Variants in FOXJ3 observed in about 807,000 individuals in gnomAD.
The protein encoded by FOXJ3 is forkhead box J3, also known as forkhead box protein J3.
FOXJ3 carries 22 observed loss-of-function variants against 76.1 expected under a neutral mutation model. The ratio of observed to expected loss-of-function variants is 0.29; its 90% CI spans 0.21 to 0.41. FOXJ3 has a LOEUF of 0.41. Ranked by LOEUF, FOXJ3 falls within the 10% of genes least tolerant of loss-of-function variation. The pLI is 1.00. For synonymous variants in FOXJ3, 269 were observed against 261.2 expected (o/e 1.03, Z -0.29); for missense variants, 613 against 762.1 (o/e 0.80, Z 2.30).
chr1:42,301,626 C>G (rs1379146841), intron 2 of FOXJ3, among the ~76,000 whole-genome samples: 2 of 152,178 alleles, frequency 1.3e-5, no homozygotes, highest in Non-Finnish European at 2.9e-5. Flanking sequence ...AAGCTTTCAA[C>G]TATATTTTGT....
At chr1:42,189,579 A>T in intron 9 of FOXJ3, 175 bp from the exon 10 acceptor site, 2 of 525,646 alleles carry the variant, frequency 3.8e-6, no homozygotes, top group Admixed American at 3.4e-5. Flanking sequence ...ACAGGCAGAA[A>T]GGTATTATTT....
intron 2 of FOXJ3, among the ~76,000 whole-genome samples, chr1:42,285,845 T>C (rs747056521): frequency 5.3e-5 from 8 of 152,240 alleles, no homozygotes; most frequent in Non-Finnish European, 8.8e-5. Context: ...ACACCTTTTA[T>C]TGTTGTTTTC....
chr1:42,195,536 A>C (rs761054162), intron 7 of FOXJ3, among the ~76,000 whole-genome samples: 7 of 152,246 alleles, frequency 4.6e-5, no homozygotes, highest in Non-Finnish European at 1.0e-4. Flanking sequence ...CTCTGCCCAA[A>C]GCAACAAGGA....
intron 6 of FOXJ3, among the ~76,000 whole-genome samples, chr1:42,203,652 G>A (rs995603142): frequency 4.6e-5 from 7 of 152,086 alleles, no homozygotes; most frequent in Admixed American, 2.0e-4. Context: ...CTGAGCCCTA[G>A]CACACACAAT....
intron 6 of FOXJ3, among the ~76,000 whole-genome samples, chr1:42,202,687 T>C (rs1277697708): frequency 1.3e-5 from 2 of 152,180 alleles, no homozygotes; most frequent in Non-Finnish European, 2.9e-5. Context: ...TTCTTATACA[T>C]GATATAGTAC....
At chr1:42,289,671 A>G (rs1197923192) in intron 2 of FOXJ3, among the ~76,000 whole-genome samples, 2 of 152,170 alleles carry the variant, frequency 1.3e-5, no homozygotes, top group Non-Finnish European at 2.9e-5. Context: ...ATAATCTCTG[A>G]ATTACCTATA....
rs114996508 is a variant in FOXJ3 at position 42,227,776 on chromosome 1, C to A, written c.528+107G>T. Reference sequence around the variant, plus strand: ...ATGTAAAATGCTACACAAATAAAATCTTACCATCATTATAGTTACATGTGC... The same window carrying A: ...ATGTAAAATGCTACACAAATAAAATATTACCATCATTATAGTTACATGTGC... On this transcript the variant is annotated intron_variant, in intron 5 of 12. Transcript: ENST00000361346. The A allele has an allele frequency of 5.7e-6, 3 of 522,206 alleles. No homozygotes were observed. In the African/African-American group the frequency reaches 5.8e-5, roughly 10 times the overall value. The allele number at this position is 522,206 out of a possible 1,614,324, so 32.3% of individuals were successfully genotyped here. A position where few individuals can be genotyped will look rare whatever the true frequency, so the allele number is the denominator to read the frequency against.
At chr1:42,214,319 T>A (rs1647023191) in intron 5 of FOXJ3, among the ~76,000 whole-genome samples, 1 of 152,194 alleles carries the variant, frequency 6.6e-6, no homozygotes, top group Non-Finnish European at 1.5e-5. Context: ...ATATTCTTAA[T>A]AGGCAAAAAG....
intron 1 of FOXJ3, among the ~76,000 whole-genome samples, chr1:42,329,857 G>A (rs188351001): frequency 2.0e-5 from 3 of 152,288 alleles, no homozygotes; most frequent in African/African-American, 7.2e-5. Flanking sequence ...ATTCTATCAT[G>A]CCCTTACTTG....
chr1:42,231,184 G>A (rs1029325200), intron 4 of FOXJ3, among the ~76,000 whole-genome samples: 6 of 151,952 alleles, frequency 3.9e-5, no homozygotes, highest in Non-Finnish European at 8.8e-5. Flanking sequence ...AAATTAGCAG[G>A]GCATGATGGC....
At chr1:42,251,706 A>ATTTTTTTTTTTTTTTT (rs1168120638) in intron 4 of FOXJ3, among the ~76,000 whole-genome samples, 3 of 87,572 alleles carry the variant, frequency 3.4e-5, no homozygotes, top group African/African-American at 9.8e-5. Context: ...GTTTGCCAGT[A>ATTTTTTTTTTTTTTTT]TTTTTTTTTT....
chr1:42,299,540 C>A (rs1011513478), intron 2 of FOXJ3, among the ~76,000 whole-genome samples: 265 of 119,444 alleles, frequency 2.2e-3, no homozygotes, highest in Non-Finnish European at 3.7e-3. Context: ...ATGGTTGGGT[C>A]TTTTTTTTTT....
intron 1 of FOXJ3, among the ~76,000 whole-genome samples, chr1:42,334,417 GGA>G (rs372028352): frequency 1.3e-5 from 2 of 152,180 alleles, no homozygotes; most frequent in African/African-American, 4.8e-5. Context: ...AATGGAGCTG[GGA>G]GGGGGGGCGG....
At chr1:42,317,036 A>T (rs1194812339) in intron 1 of FOXJ3, among the ~76,000 whole-genome samples, 2 of 152,158 alleles carry the variant, frequency 1.3e-5, no homozygotes, top group African/African-American at 2.4e-5. Context: ...AAAAAATTAA[A>T]AATTCATTTT....
At chr1:42,277,242 G>A (rs1013924333) in intron 3 of FOXJ3, among the ~76,000 whole-genome samples, 11 of 152,056 alleles carry the variant, frequency 7.2e-5, no homozygotes, top group African/African-American at 2.4e-5. Context: ...CCAGGAGTTC[G>A]AGACCAGCAT....
At chr1:42,286,243 G>T (rs1391930671) in intron 2 of FOXJ3, among the ~76,000 whole-genome samples, 4 of 152,150 alleles carry the variant, frequency 2.6e-5, no homozygotes, top group Non-Finnish European at 5.9e-5. Flanking sequence ...AAAACAGCTG[G>T]TGTTAATTTT....
intron 4 of FOXJ3, among the ~76,000 whole-genome samples, chr1:42,247,268 G>A (rs975826525): frequency 1.3e-5 from 2 of 151,952 alleles, no homozygotes; most frequent in Non-Finnish European, 2.9e-5. Context: ...CAAAATACAA[G>A]TACCCCATAA....
chr1:42,291,985 G>C (rs957311726), intron 2 of FOXJ3, among the ~76,000 whole-genome samples: 1 of 152,072 alleles, frequency 6.6e-6, no homozygotes, highest in Non-Finnish European at 1.5e-5. Flanking sequence ...TCAGGGTCCC[G>C]ATGCCGGTGG....
At chr1:42,243,581 GAT>G (rs1649314247) in intron 4 of FOXJ3, among the ~76,000 whole-genome samples, 1 of 152,152 alleles carries the variant, frequency 6.6e-6, no homozygotes, top group Non-Finnish European at 1.5e-5. Context: ...AATGGAGAAA[GAT>G]ATTCCACACA....
Sources: gnomAD v4.1 joint callset for allele counts (sites outside exome capture counted in the v4.1 genomes callset) on GRCh38, gnomAD v4.1.1 for gene constraint, MANE v1.5 for transcripts, NCBI Gene and HGNC (gene_info 2026-07-23, HGNC 2026-07-21) for gene names.